TBCEL: variants seen among roughly 807,000 people sequenced by gnomAD.
TBCEL encodes tubulin-specific chaperone cofactor E-like protein.
A neutral mutation model predicts 44.2 loss-of-function variants in TBCEL; 15 were observed. The ratio of observed to expected loss-of-function variants is 0.34; its 90% confidence interval spans 0.23 to 0.52. The LOEUF is 0.52. TBCEL is among the 20% of genes least tolerant of loss of function. TBCEL has a pLI of 0.95. For missense variants in TBCEL, 319 were observed against 506.3 expected (o/e 0.63, Z 3.55); for synonymous variants, 171 against 185.4 (o/e 0.92, Z 0.63).
intron 2 of TBCEL, among the ~76,000 whole-genome samples, chr11:121,038,556 G>A (rs1382753009): frequency 6.6e-6 from 1 of 151,752 alleles, no homozygotes; most frequent in East Asian, 1.9e-4. Context: ...TAGAAGAAGA[G>A]TTCACAAAGT....
chr11:121,037,486 T>C (rs1209852075), intron 2 of TBCEL, among the ~76,000 whole-genome samples: 1 of 152,206 alleles, frequency 6.6e-6, no homozygotes, highest in East Asian at 1.9e-4. Flanking sequence ...CCATCCAGCC[T>C]AATTACGCTG....
intron 8 of TBCEL, among the ~76,000 whole-genome samples, chr11:121,069,443 A>G (rs1945883434): frequency 6.6e-6 from 1 of 152,214 alleles, no homozygotes; most frequent in Non-Finnish European, 1.5e-5. Flanking sequence ...GTACAGAGGT[A>G]TGAAATGTCT....
chr11:121,047,688 C>T lies in TBCEL; in HGVS notation c.273+21C>T, dbSNP rs773209263. Reference sequence around the variant, plus strand: ...ATGAGGTGAAGTTTTTATATTGCTACATTTTAGTGAAAAGCAGCAATAACC... The same window carrying T: ...ATGAGGTGAAGTTTTTATATTGCTATATTTTAGTGAAAAGCAGCAATAACC... On this transcript the variant is annotated intron_variant, in intron 4 of 8. Coordinates refer to ENST00000683345, the MANE Select transcript of TBCEL (RefSeq NM_001363644.2). 8 of 1,610,600 alleles carry T rather than the reference C, an allele frequency of 5.0e-6. No individual in the cohort carries two copies. The South Asian group carries it at 8.8e-5, about 18-fold the overall frequency.
intron 8 of TBCEL, 95 bp downstream of exon 8, chr11:121,060,180 C>A: frequency 1.2e-6 from 1 of 810,412 alleles, no homozygotes; most frequent in Non-Finnish European, 2.0e-6. Context: ...TGTTATTGGA[C>A]CCTTCTTAGA....
At chr11:121,084,654 A>G (rs1946184361) in intron 8 of TBCEL, among the ~76,000 whole-genome samples, 1 of 152,134 alleles carries the variant, frequency 6.6e-6, no homozygotes, top group Admixed American at 6.6e-5. Flanking sequence ...TGTTACTCCT[A>G]GGCAAAATTT....
chr11:121,056,914 C>T (rs557965001), intron 6 of TBCEL, among the ~76,000 whole-genome samples: 3 of 151,838 alleles, frequency 2.0e-5, no homozygotes, highest in African/African-American at 7.2e-5. Context: ...CAAATACGTT[C>T]TCCCAGTCTG....
At chr11:121,062,186 T>C (rs902907376) in intron 8 of TBCEL, among the ~76,000 whole-genome samples, 4 of 152,238 alleles carry the variant, frequency 2.6e-5, no homozygotes, top group Non-Finnish European at 4.4e-5. Flanking sequence ...CTTTTCTCAC[T>C]AGAAGGTCAT....
chr11:121,024,911 T>G (rs570584542), intron 1 of TBCEL, among the ~76,000 whole-genome samples: 1 of 152,018 alleles, frequency 6.6e-6, no homozygotes, highest in South Asian at 2.1e-4. Context: ...AGAACGAGGG[T>G]GTTGGACTGA....
rs1029975673 is a variant in TBCEL, at chr11:121,089,697, T to C, written c.*2601T>C. On this transcript the variant is annotated 3_prime_UTR_variant, in exon 9 of 9. Coordinates refer to ENST00000683345, the MANE Select transcript of TBCEL (RefSeq NM_001363644.2). ...TTTGAGTTTACATGTTATACCTAAT[T>C]GATTGTCTGCAGCTTATCTGTATTT... 8 of 152,190 alleles carry C rather than the reference T, an allele frequency of 5.3e-5. No homozygotes were observed. The highest frequency in any genetic ancestry group is 8.8e-5 in the Non-Finnish European group (6 of 68,020). 9.4% of individuals were successfully genotyped at this position (152,190 alleles called of 1,614,324 possible).
intron 8 of TBCEL, among the ~76,000 whole-genome samples, chr11:121,063,397 G>A (rs1945761540): frequency 6.6e-6 from 1 of 152,102 alleles, no homozygotes; most frequent in South Asian, 2.1e-4. Flanking sequence ...TTGCACAAAT[G>A]AAAATACATT....
intron 1 of TBCEL, among the ~76,000 whole-genome samples, chr11:121,029,556 C>T (rs964011305): frequency 3.9e-5 from 6 of 152,204 alleles, no homozygotes; most frequent in African/African-American, 1.4e-4. Flanking sequence ...CATAAGTGAA[C>T]TCAGAACTAA....
chr11:121,034,314 A>G (rs1945191960), intron 1 of TBCEL, among the ~76,000 whole-genome samples: 1 of 152,204 alleles, frequency 6.6e-6, no homozygotes, highest in South Asian at 2.1e-4. Context: ...AAGGTACAGT[A>G]GGAGTACAAA....
chr11:121,075,029 A>G (rs888575788), intron 8 of TBCEL, among the ~76,000 whole-genome samples: 2 of 151,976 alleles, frequency 1.3e-5, no homozygotes, highest in Admixed American at 1.3e-4. Flanking sequence ...AAACTAAAAC[A>G]TACACACACA....
At chr11:121,047,789 T>C in intron 4 of TBCEL, 122 bp downstream of exon 4, 1 of 1,219,068 alleles carries the variant, frequency 8.2e-7, no homozygotes, top group Admixed American at 2.3e-5. Flanking sequence ...CTTCTTGTTG[T>C]CTGTATATCT....
chr11:121,054,962 C>T, intron 5 of TBCEL, 90 bp from the exon 6 acceptor site: 1 of 1,291,206 alleles, frequency 7.7e-7, no homozygotes. Context: ...ATATAGTAGG[C>T]ACTTACTTAT....
At chr11:121,030,897 G>A (rs1256975281) in intron 1 of TBCEL, among the ~76,000 whole-genome samples, 5 of 149,262 alleles carry the variant, frequency 3.3e-5, no homozygotes, top group Non-Finnish European at 7.4e-5. Flanking sequence ...TACCCATTCA[G>A]CATTGTTTTA....
intron 8 of TBCEL, among the ~76,000 whole-genome samples, chr11:121,079,483 C>T (rs1246067695): frequency 6.6e-6 from 1 of 152,126 alleles, no homozygotes; most frequent in Non-Finnish European, 1.5e-5. Context: ...TAATCTCCAC[C>T]CTTCCTTTCA....
chr11:121,068,882 G>A (rs1455212350), intron 8 of TBCEL, among the ~76,000 whole-genome samples: 2 of 143,070 alleles, frequency 1.4e-5, no homozygotes, highest in East Asian at 2.0e-4. Flanking sequence ...GCAAGGCTCC[G>A]TCTCAAAAAA....
chr11:121,062,190 A>C (rs1158498482), intron 8 of TBCEL, among the ~76,000 whole-genome samples: 1 of 152,084 alleles, frequency 6.6e-6, no homozygotes, highest in Non-Finnish European at 1.5e-5. Flanking sequence ...TCTCACTAGA[A>C]GGTCATCAGG....
Sources: gnomAD v4.1 joint callset for allele counts (sites outside exome capture counted in the v4.1 genomes callset) on GRCh38, gnomAD v4.1.1 for gene constraint, MANE v1.5 for transcripts, NCBI Gene and HGNC (gene_info 2026-07-23, HGNC 2026-07-21) for gene names.